BLTP3A: variants seen among roughly 807,000 people sequenced by gnomAD.
The protein encoded by BLTP3A is bridge-like lipid transfer protein family member 3A.
At chr6:34,812,328 TAA>T in the BLTP3A span, among the ~76,000 whole-genome samples, 5 of 140,584 alleles carry the variant, frequency 3.6e-5, no homozygotes, top group Non-Finnish European at 4.7e-5. Flanking sequence ...AACTCCGTCT[TAA>T]AAAAAAAAAA....
At chr6:34,812,459 A>G in the BLTP3A span, among the ~76,000 whole-genome samples, 1 of 152,308 alleles carries the variant, frequency 6.6e-6, no homozygotes, top group African/African-American at 2.4e-5. Flanking sequence ...TAAGAAAAGC[A>G]TGTAATATTG....
At chr6:34,826,175 C>G in the BLTP3A span, among the ~76,000 whole-genome samples, 1 of 151,684 alleles carries the variant, frequency 6.6e-6, no homozygotes, top group South Asian at 2.1e-4. Flanking sequence ...ATTACACACA[C>G]CAACACACCT....
chr6:34,812,573 T>TC, the BLTP3A span, among the ~76,000 whole-genome samples: 1 of 151,452 alleles, frequency 6.6e-6, no homozygotes, highest in Admixed American at 6.6e-5. Flanking sequence ...CAAGGGATCC[T>TC]CCCACCCCAG....
chr6:34,872,069 T>C, the BLTP3A span: 1 of 915,526 alleles, frequency 1.1e-6, no homozygotes, highest in Non-Finnish European at 1.6e-6. Context: ...TAGCAGCGGC[T>C]TCTAGAAGTG....
chr6:34,868,059 C>T, the BLTP3A span, among the ~76,000 whole-genome samples: 1 of 152,152 alleles, frequency 6.6e-6, no homozygotes, highest in Non-Finnish European at 1.5e-5. Context: ...GTAATCCCAG[C>T]ACTTTGGGAG....
chr6:34,870,033 T>G, the BLTP3A span, among the ~76,000 whole-genome samples: 2 of 152,318 alleles, frequency 1.3e-5, no homozygotes, highest in East Asian at 3.9e-4. Context: ...ATTTTATAAT[T>G]GTGTAACCAT....
At chr6:34,864,195 T>G in the BLTP3A span, 1 of 1,612,474 alleles carries the variant, frequency 6.2e-7, no homozygotes, top group Non-Finnish European at 8.5e-7. Flanking sequence ...GCTCTTGGAG[T>G]CTGGTATGTG....
At chr6:34,835,638 C>T in the BLTP3A span, among the ~76,000 whole-genome samples, 1 of 152,116 alleles carries the variant, frequency 6.6e-6, no homozygotes, top group African/African-American at 2.4e-5. Context: ...CATTGGGTAC[C>T]TCCAGTGTAT....
chr6:34,840,838 G>C, the BLTP3A span, among the ~76,000 whole-genome samples: 3 of 151,812 alleles, frequency 2.0e-5, no homozygotes, highest in Non-Finnish European at 4.4e-5. Flanking sequence ...GGATGCTCTC[G>C]ATTCCCTGAC....
chr6:34,793,035 A>C, the BLTP3A span, among the ~76,000 whole-genome samples: 1 of 152,196 alleles, frequency 6.6e-6, no homozygotes, highest in Non-Finnish European at 1.5e-5. Flanking sequence ...AAGTTTCCGC[A>C]ACCTTCCCTT....
At chr6:34,801,783 G>A in the BLTP3A span, among the ~76,000 whole-genome samples, 8 of 152,028 alleles carry the variant, frequency 5.3e-5, no homozygotes, top group South Asian at 1.5e-3. Flanking sequence ...GTGCAGTGGC[G>A]CCATCTCCGC....
At chr6:34,808,672 C>T in the BLTP3A span, among the ~76,000 whole-genome samples, 1 of 152,056 alleles carries the variant, frequency 6.6e-6, no homozygotes, top group African/African-American at 2.4e-5. Flanking sequence ...CAGCCTCAAC[C>T]CCCTGGGGTC....
At chr6:34,864,228 C>T in the BLTP3A span, 2 of 1,598,068 alleles carry the variant, frequency 1.3e-6, no homozygotes, top group Non-Finnish European at 1.7e-6. Flanking sequence ...GGCAAAGTTG[C>T]AGAAGTCCAG....
At chr6:34,858,021 AAATAGTTTC>A in the BLTP3A span, 1 of 1,556,910 alleles carries the variant, frequency 6.4e-7, no homozygotes, top group Non-Finnish European at 8.7e-7. Context: ...GGAAGTAAGA[AAATAGTTTC>A]ACAGCCCAAA....
chr6:34,798,594 C>CTTTTTTTTTTTTTTTTT, the BLTP3A span, among the ~76,000 whole-genome samples: 67 of 94,484 alleles, frequency 7.1e-4, no homozygotes, highest in African/African-American at 2.1e-3. Flanking sequence ...TTCTTTCTTT[C>CTTTTTTTTTTTTTTTTT]TTTTTTTTTT....
the BLTP3A span, among the ~76,000 whole-genome samples, chr6:34,825,146 A>G: frequency 6.6e-6 from 1 of 152,088 alleles, no homozygotes; most frequent in African/African-American, 2.4e-5. Context: ...CACTTGTTTT[A>G]TATTCTGGCT....
chr6:34,828,614 G>T, the BLTP3A span, among the ~76,000 whole-genome samples: 1 of 151,966 alleles, frequency 6.6e-6, no homozygotes, highest in African/African-American at 2.4e-5. Flanking sequence ...TGGATATTTG[G>T]ATTATTTCCA....
chr6:34,873,732 C>T, the BLTP3A span: 2 of 152,144 alleles, frequency 1.3e-5, no homozygotes, highest in South Asian at 2.1e-4. Context: ...TTACTAAAGT[C>T]TCGACCATTC....
chr6:34,828,450 CAAA>C, the BLTP3A span, among the ~76,000 whole-genome samples: 1 of 54,426 alleles, frequency 1.8e-5, no homozygotes. Flanking sequence ...GACTCCATCT[CAAA>C]AAAAAAAAAA....
Sources: gnomAD v4.1 joint callset for allele counts (sites outside exome capture counted in the v4.1 genomes callset) on GRCh38, gnomAD v4.1.1 for gene constraint, MANE v1.5 for transcripts, NCBI Gene and HGNC (gene_info 2026-07-23, HGNC 2026-07-21) for gene names.